Variants in KDM2B observed in about 807,000 individuals in gnomAD.
KDM2B encodes the protein lysine-specific demethylase 2B.
In KDM2B, 26 loss-of-function variants were observed where a neutral mutation model predicts 150.0. The observed-to-expected ratio is 0.17, with a 90% CI of 0.13 to 0.24. The LOEUF is 0.24. Among genes scored for constraint, KDM2B ranks in the 10% least tolerant of loss-of-function variants. The probability of loss-of-function intolerance (pLI) is 1.00; values close to 1 mark genes in which losing one functional copy is unlikely to be tolerated. For synonymous variants in KDM2B, 734 were observed against 729.5 expected (o/e 1.01, Z -0.10); for missense variants, 1,265 against 1,816.9 (o/e 0.70, Z 5.52).
chr12:121,555,684 A>G lies in KDM2B; in HGVS notation c.398-6046T>C, dbSNP rs148492455. On this transcript the variant is annotated intron_variant, in intron 4 of 22. Coordinates refer to ENST00000377071, the MANE Select transcript of KDM2B (RefSeq NM_032590.5). ...CCACCACACCTGGCCAAAATTTTTTATAAGAATATAAATAAGTAAGTGATA... is the reference window on the plus strand; with the variant it reads ...CCACCACACCTGGCCAAAATTTTTTGTAAGAATATAAATAAGTAAGTGATA... Among the ~76,000 whole-genome samples the G allele has an allele frequency of 1.5e-3, 231 of 152,278 alleles. 2 individuals carry two copies. Among genetic ancestry groups the G allele is most frequent in the South Asian group, 4.6e-3 (22 of 4,830 alleles).
At chr12:121,415,280 A>T in the KDM2B span, 22 of 376,028 alleles carry the variant, frequency 5.9e-5, no homozygotes, top group African/African-American at 4.5e-4. Flanking sequence ...ATAGTATATT[A>T]TACCCAATTA....
At chr12:121,413,467 G>A in the KDM2B span, among the ~76,000 whole-genome samples, 4 of 143,554 alleles carry the variant, frequency 2.8e-5, no homozygotes, top group South Asian at 4.5e-4. Context: ...GCTGGAGTGC[G>A]GTGGCACAAT....
At position 121,442,498 on chromosome 12, in the gene KDM2B, G is replaced by A; in HGVS notation, c.2943C>T (p.Gly981=). ...QPIKSEPESE[G]EEPKRPPGIC... is the part of the protein sequence containing the mutation. Reference sequence around the variant, plus strand: ...TGCCCGGGGGCCGCTTGGGCTCCTCGCCCTCGCTCTCAGGCTCCGACTTGA... The same window carrying A: ...TGCCCGGGGGCCGCTTGGGCTCCTCACCCTCGCTCTCAGGCTCCGACTTGA... The change falls in exon 19 of 23, where the codon GGC becomes GGT. Residue 981 remains glycine, a synonymous_variant. Transcript: ENST00000377071. The surrounding 1 kb of genome is among the most constrained non-coding windows in gnomAD (Gnocchi z 7.7). 2 of 1,599,492 alleles carry A rather than the reference G, an allele frequency of 1.3e-6. No homozygotes were observed. The highest frequency in any genetic ancestry group is 1.1e-5 in the South Asian group (1 of 91,072).
chr12:121,493,855 TA>T (rs1883625239), intron 12 of KDM2B: 1 of 152,202 alleles, frequency 6.6e-6, no homozygotes, highest in Non-Finnish European at 1.5e-5. Context: ...ATTTTTTTTT[TA>T]TTTTATTTTA....
chr12:121,444,007 C>G lies in KDM2B; in HGVS notation c.2451+5G>C, dbSNP rs782646038. ...CTTTGCCTCCCAGCCCCTCCTGGTCCGTACCCGCTTGCGTCCACTCAGCTC... is the reference window on the plus strand; with the variant it reads ...CTTTGCCTCCCAGCCCCTCCTGGTCGGTACCCGCTTGCGTCCACTCAGCTC... On this transcript the variant is annotated splice_donor_5th_base_variant and intron_variant, in intron 16 of 22. Transcript: ENST00000377071. The G allele has an allele frequency of 6.2e-7, 1 of 1,601,732 alleles. No individual in the cohort carries two copies. Among genetic ancestry groups the G allele is most frequent in the Non-Finnish European group, 8.5e-7 (1 of 1,172,594 alleles).
intron 11 of KDM2B, among the ~76,000 whole-genome samples, chr12:121,496,028 A>G (rs570175631): frequency 6.6e-6 from 1 of 152,260 alleles, no homozygotes; most frequent in South Asian, 2.1e-4. Context: ...ACTTTAGAAC[A>G]TCATCCAGGT....
intron 12 of KDM2B, among the ~76,000 whole-genome samples, chr12:121,460,572 T>G (rs1274269686): frequency 6.6e-6 from 1 of 152,118 alleles, no homozygotes; most frequent in Non-Finnish European, 1.5e-5. Flanking sequence ...TAATTTTTAT[T>G]TTCTTTTTCT....
chr12:121,544,738 C>A, intron 6 of KDM2B, among the ~76,000 whole-genome samples: 1 of 152,102 alleles, frequency 6.6e-6, no homozygotes, highest in Non-Finnish European at 1.5e-5. Context: ...CATGGTGAAA[C>A]CCTGTCTCTA....
intron 8 of KDM2B, among the ~76,000 whole-genome samples, chr12:121,525,095 C>G (rs1472200134): frequency 6.6e-6 from 1 of 152,214 alleles, no homozygotes; most frequent in African/African-American, 2.4e-5. Context: ...TGGCTTCTTT[C>G]ACCGACATCA....
intron 8 of KDM2B, among the ~76,000 whole-genome samples, chr12:121,532,478 T>TC (rs1411592831): frequency 6.6e-6 from 1 of 152,152 alleles, no homozygotes; most frequent in Non-Finnish European, 1.5e-5. Flanking sequence ...GCACAGCCCT[T>TC]CCCCAGACCC....
At position 121,430,150 on chromosome 12, in the gene KDM2B, C is replaced by T. The variant is rs1407067976; in HGVS notation, c.*138G>A. The stretch of plus-strand genomic sequence containing the variant: ...CCCCAAACGGGTGGTTGAACAGCTT[C>T]TCCCTTGGAAAGACTTGCAAAATGG... On this transcript the variant is annotated 3_prime_UTR_variant, in exon 23 of 23. Coordinates refer to ENST00000377071, the MANE Select transcript of KDM2B (RefSeq NM_032590.5). The surrounding 1 kb of genome is among the most constrained non-coding windows in gnomAD (Gnocchi z 4.4). The T allele has an allele frequency of 1.1e-5, 17 of 1,614,114 alleles. No individual in the cohort carries two copies. The highest frequency in any genetic ancestry group is 1.4e-5 in the Non-Finnish European group (16 of 1,180,044).
At chr12:121,544,032 T>C (rs1888816118) in intron 6 of KDM2B, among the ~76,000 whole-genome samples, 1 of 148,540 alleles carries the variant, frequency 6.7e-6, no homozygotes, top group Admixed American at 6.8e-5. Context: ...GGAGGATTGC[T>C]TGAGCCTGGG....
chr12:121,442,906 C>A lies in KDM2B; in HGVS notation c.2605-70G>T. 9 of 1,568,260 alleles carry A rather than the reference C, an allele frequency of 5.7e-6. No homozygotes were observed. In the South Asian group the frequency reaches 5.8e-5, roughly 10 times the overall value. On this transcript the variant is annotated intron_variant, in intron 18 of 22. Transcript: ENST00000377071. The surrounding 1 kb of genome is among the most constrained non-coding windows in gnomAD (Gnocchi z 7.7). ...TGCGCCCGCCCAAGGCCTCCCGCCCCCCTGCCACGGGACTGTGGCCCAGGG... is the reference window on the plus strand; with the variant it reads ...TGCGCCCGCCCAAGGCCTCCCGCCCACCTGCCACGGGACTGTGGCCCAGGG...
In KDM2B at chr12:121,521,656, T is replaced by G. The variant is rs1886697684; in HGVS notation, c.932-556A>C. Among the ~76,000 whole-genome samples the G allele has an allele frequency of 6.6e-6, 1 of 152,150 alleles. No homozygotes were observed. Among genetic ancestry groups the G allele is most frequent in the Non-Finnish European group, 1.5e-5 (1 of 68,028 alleles). ...CAGGCCCCTTTCCATGTGGTCTCCT[T>G]GGTCACACAACGCCTGCATGCCCCC... On this transcript the variant is annotated intron_variant, in intron 8 of 22. Coordinates refer to ENST00000377071, the MANE Select transcript of KDM2B (RefSeq NM_032590.5). The surrounding 1 kb of genome is among the most constrained non-coding windows in gnomAD (Gnocchi z 4.9).
At chr12:121,547,060 C>T (rs1555310810) in intron 6 of KDM2B, among the ~76,000 whole-genome samples, 1 of 152,132 alleles carries the variant, frequency 6.6e-6, no homozygotes, top group African/African-American at 2.4e-5. Context: ...CCTGATGACA[C>T]CAGCCAAATG....
chr12:121,499,358 C>A (rs1032516859), intron 11 of KDM2B, among the ~76,000 whole-genome samples: 1 of 150,268 alleles, frequency 6.7e-6, no homozygotes. Context: ...TGACCTCAGG[C>A]GATCCACCCA....
At chr12:121,535,501 CTG>C in intron 6 of KDM2B, among the ~76,000 whole-genome samples, 1 of 152,286 alleles carries the variant, frequency 6.6e-6, no homozygotes, top group East Asian at 1.9e-4. Flanking sequence ...TTGCAAAACT[CTG>C]TGAACATACT....
intron 6 of KDM2B, among the ~76,000 whole-genome samples, chr12:121,542,426 T>C (rs1004944257): frequency 7.2e-5 from 11 of 152,228 alleles, no homozygotes; most frequent in Non-Finnish European, 1.5e-5. Flanking sequence ...ATTACAGGCG[T>C]AAGCCACCAC....
At chr12:121,419,164 C>G in the KDM2B span, among the ~76,000 whole-genome samples, 3 of 152,124 alleles carry the variant, frequency 2.0e-5, no homozygotes, top group Non-Finnish European at 4.4e-5. Flanking sequence ...TTTATTGTAC[C>G]TTTTTTGTGT....
Sources: gnomAD v4.1 joint callset for allele counts (sites outside exome capture counted in the v4.1 genomes callset) on GRCh38, gnomAD v4.1.1 for gene constraint, Gnocchi (gnomAD v3.1) non-coding constraint, MANE v1.5 for transcripts, NCBI Gene and HGNC (gene_info 2026-07-23, HGNC 2026-07-21) for gene names.